KCTD14: variants seen among roughly 807,000 people sequenced by gnomAD.
KCTD14 encodes potassium channel tetramerization domain containing 14.
Under a neutral mutation model 5.9 loss-of-function variants are expected in KCTD14, and 7 were observed. The ratio of observed to expected loss-of-function variants is 1.19; its 90% CI spans 0.68 to 2.23. The LOEUF (loss-of-function observed/expected upper bound fraction) is 2.23. KCTD14 is among the 30% of genes most tolerant of loss of function. The pLI, the probability that KCTD14 is intolerant of heterozygous loss-of-function variation, is 0.00. For missense variants in KCTD14, 342 were observed against 332.2 expected (o/e 1.03, Z -0.23); for synonymous variants, 140 against 133.1 (o/e 1.05, Z -0.36).
chr11:78,039,839 C>T (rs988972865), intron 1 of KCTD14, among the ~76,000 whole-genome samples: 1 of 151,972 alleles, frequency 6.6e-6, no homozygotes, highest in African/African-American at 2.4e-5. Flanking sequence ...TTTAAAATGG[C>T]GACAGAGCAT....
intron 2 of KCTD14, among the ~76,000 whole-genome samples, chr11:78,037,890 T>C (rs1388615543): frequency 1.3e-5 from 2 of 151,982 alleles, no homozygotes; most frequent in Admixed American, 6.6e-5. Flanking sequence ...TAAAGTTCTT[T>C]TTCTTGAGCT....
At chr11:78,034,561 G>C (rs1394142127) in intron 2 of KCTD14, among the ~76,000 whole-genome samples, 1 of 151,618 alleles carries the variant, frequency 6.6e-6, no homozygotes, top group East Asian at 1.9e-4. Flanking sequence ...GTCATGTGTG[G>C]AGGACAGATT....
At chr11:78,027,450 C>T (rs1198542463), upstream of KCTD14, among the ~76,000 whole-genome samples, 1 of 151,652 alleles carries the variant, frequency 6.6e-6, no homozygotes, top group South Asian at 2.1e-4. Context: ...ACAACCTCTG[C>T]CTCCCAAGTT....
At chr11:78,019,772 T>C (rs1160485394) in intron 1 of KCTD14, among the ~76,000 whole-genome samples, 1 of 152,236 alleles carries the variant, frequency 6.6e-6, no homozygotes, top group African/African-American at 2.4e-5. Flanking sequence ...AAATGCAAGT[T>C]AAGTTTGGTT....
At chr11:78,022,254 T>C (rs1857329476) in intron 1 of KCTD14, among the ~76,000 whole-genome samples, 1 of 151,754 alleles carries the variant, frequency 6.6e-6, no homozygotes, top group Non-Finnish European at 1.5e-5. Context: ...ATCTCTATTT[T>C]AACAAACAAA....
chr11:78,038,874 G>C, intron 1 of KCTD14: 1 of 1,211,894 alleles, frequency 8.3e-7, no homozygotes, highest in South Asian at 1.4e-5. Context: ...GAACTGGATG[G>C]CTACTGCTGC....
intron 1 of KCTD14, chr11:78,022,900 G>A (rs1327475160): frequency 6.3e-6 from 3 of 474,608 alleles, no homozygotes; most frequent in Admixed American, 3.9e-5. Context: ...GTAGAGGGAG[G>A]AAGCAAAAGG....
chr11:78,026,028 T>G (rs1279071812), upstream of KCTD14, among the ~76,000 whole-genome samples: 3 of 152,208 alleles, frequency 2.0e-5, no homozygotes, highest in South Asian at 4.1e-4. Context: ...TCAACCAATT[T>G]AAAAGTTTAT....
At chr11:78,017,352 TA>T (rs971811561) in intron 1 of KCTD14, 82 bp from the exon 2 acceptor site, 22 of 1,471,688 alleles carry the variant, frequency 1.5e-5, no homozygotes, top group Non-Finnish European at 2.0e-5. Context: ...GATAACTGGA[TA>T]AAAAACTTAG....
At chr11:78,027,363 T>A (rs890037607), upstream of KCTD14, among the ~76,000 whole-genome samples, 23 of 125,978 alleles carry the variant, frequency 1.8e-4, no homozygotes, top group Non-Finnish European at 5.0e-5. Flanking sequence ...CAAGACCCCA[T>A]CCCTATTTTT....
At chr11:78,035,695 A>C (rs1388500070) in intron 2 of KCTD14, among the ~76,000 whole-genome samples, 1 of 151,788 alleles carries the variant, frequency 6.6e-6, no homozygotes, top group Non-Finnish European at 1.5e-5. Context: ...AATACAAAAA[A>C]TTAGCTGGCC....
Position 78,016,565 on chromosome 11 carries a change from A to G in KCTD14, c.*28T>C. The G allele has an allele frequency of 1.3e-6, 2 of 1,575,360 alleles. No individual in the cohort carries two copies. Among genetic ancestry groups the G allele is most frequent in the Non-Finnish European group, 1.7e-6 (2 of 1,154,888 alleles). ...CTTTTAATTTCATAAGCCACGCCAG[A>G]ATTCATAACAGTCTCTGCTCCTGAG... On this transcript the variant is annotated 3_prime_UTR_variant, in exon 2 of 2. Transcript: ENST00000353172.
chr11:78,029,338 C>T (rs1487929077), intron 2 of KCTD14, among the ~76,000 whole-genome samples: 1 of 152,080 alleles, frequency 6.6e-6, no homozygotes, highest in African/African-American at 2.4e-5. Context: ...TGGTTAGCTC[C>T]CTTGGTCTTA....
intron 2 of KCTD14, among the ~76,000 whole-genome samples, chr11:78,036,647 T>C (rs923957107): frequency 6.6e-6 from 1 of 152,242 alleles, no homozygotes; most frequent in Admixed American, 6.5e-5. Context: ...AATGTTACCT[T>C]TCCCAAGAGG....
intron 1 of KCTD14, among the ~76,000 whole-genome samples, chr11:78,019,399 G>A (rs567620646): frequency 6.6e-6 from 1 of 151,996 alleles, no homozygotes; most frequent in South Asian, 2.1e-4. Flanking sequence ...ACTCACTGCA[G>A]CCTTGAACTT....
chr11:78,023,287 C>T (rs747615947), upstream of KCTD14: 3 of 1,599,196 alleles, frequency 1.9e-6, no homozygotes, highest in Non-Finnish European at 2.6e-6. Context: ...CCCTGGCTGC[C>T]CGCCCCTAGG....
rs770362652 is a variant in KCTD14 at position 78,016,852 on chromosome 11, A to T, written c.509T>A (p.Val170Glu). The stretch of plus-strand genomic sequence containing the variant: ...CTGCTCCTCAGTTTCCACCAGGCAC[A>T]CAAGCACGCTGGACTTCCGTGCTGT... ...AITARKSSVL[V>E]CLVETEEQDA... The change falls in exon 2 of 2, where the codon GTG (valine) becomes GAG (glutamate). Residue 170 changes from valine to glutamate, a missense_variant. By Grantham distance (121) the Val-to-Glu change is moderately radical. Coordinates refer to ENST00000353172, the MANE Select transcript of KCTD14 (RefSeq NM_023930.4). 1.2e-6 allele frequency: 2 copies of T among 1,614,192 alleles called. No homozygotes were observed. The highest frequency in any genetic ancestry group is 1.7e-6 in the Non-Finnish European group (2 of 1,180,004).
At chr11:78,029,333 A>G (rs1406158250) in intron 2 of KCTD14, among the ~76,000 whole-genome samples, 1 of 152,138 alleles carries the variant, frequency 6.6e-6, no homozygotes, top group Non-Finnish European at 1.5e-5. Context: ...GGCTTTGGTT[A>G]GCTCCCTTGG....
intron 1 of KCTD14, among the ~76,000 whole-genome samples, chr11:78,039,679 A>C (rs1857936369): frequency 6.6e-6 from 1 of 151,748 alleles, no homozygotes; most frequent in African/African-American, 2.4e-5. Flanking sequence ...AGGTGGGAGG[A>C]TCACTTGAGC....
Sources: allele counts gnomAD v4.1 joint callset (sites outside exome capture counted in the v4.1 genomes callset), GRCh38; gene constraint gnomAD v4.1.1; transcripts MANE v1.5; gene names NCBI Gene and HGNC (gene_info 2026-07-23, HGNC 2026-07-21).